Variants in KLHL7 observed in about 807,000 individuals in gnomAD.
The protein encoded by KLHL7 is kelch like family member 7.
In KLHL7, 44 loss-of-function variants were observed where a neutral mutation model predicts 67.4. That is an observed-to-expected ratio of 0.65 (90% CI 0.51 to 0.84). The LOEUF (loss-of-function observed/expected upper bound fraction) is 0.84, where lower values mean the gene tolerates loss of function less well. KLHL7 is among the 40% of genes least tolerant of loss of function. The pLI, the probability that KLHL7 is intolerant of heterozygous loss-of-function variation, is 0.00. For missense variants in KLHL7, 362 were observed against 718.1 expected (o/e 0.50, Z 5.67); for synonymous variants, 252 against 243.3 (o/e 1.04, Z -0.33).
chr7:23,107,171 G>T (rs1782678825), intron 1 of KLHL7, among the ~76,000 whole-genome samples: 1 of 152,218 alleles, frequency 6.6e-6, no homozygotes, highest in African/African-American at 2.4e-5. Flanking sequence ...ACCAGCTCCT[G>T]CTACAGTGCA....
At chr7:23,124,008 T>A in intron 2 of KLHL7, 129 bp downstream of exon 2, 1 of 704,630 alleles carries the variant, frequency 1.4e-6, no homozygotes, top group South Asian at 1.6e-5. Flanking sequence ...AGTGAAGAGA[T>A]TGAAAAAGTA....
At chr7:23,116,039 C>A (rs942787049) in intron 1 of KLHL7, among the ~76,000 whole-genome samples, 1 of 152,210 alleles carries the variant, frequency 6.6e-6, no homozygotes, top group African/African-American at 2.4e-5. Flanking sequence ...AATGACAAAG[C>A]CTTCTCTCAT....
intron 4 of KLHL7, among the ~76,000 whole-genome samples, chr7:23,133,032 C>T (rs986201178): frequency 2.6e-5 from 4 of 152,056 alleles, no homozygotes; most frequent in Non-Finnish European, 5.9e-5. Context: ...CATGCTGTTT[C>T]GATTACTATA....
At position 23,159,149 on chromosome 7, in the gene KLHL7, GGTCTTTT is replaced by G. The variant is rs1437592643; in HGVS notation, c.937-6539_937-6533del. ...GGAAGAGCTGAAGGACTAGATCATT[GGTCTTTT>G]GTCTTTTGTGAGATCTTTTTGTTGT... On this transcript the variant is annotated intron_variant, in intron 7 of 10. Coordinates refer to ENST00000339077, the MANE Select transcript of KLHL7 (RefSeq NM_001031710.3). Among the ~76,000 whole-genome samples the G allele has an allele frequency of 8.5e-5, 13 of 152,240 alleles. No individual in the cohort carries two copies. In the East Asian group the frequency reaches 2.3e-3, roughly 27 times the overall value.
chr7:23,126,499 A>G (rs1338891158), intron 4 of KLHL7, among the ~76,000 whole-genome samples: 1 of 152,180 alleles, frequency 6.6e-6, no homozygotes, highest in Non-Finnish European at 1.5e-5. Flanking sequence ...AAGAGGGGTC[A>G]AAGAATCCAG....
At chr7:23,117,412 C>G (rs1367092369) in intron 1 of KLHL7, among the ~76,000 whole-genome samples, 1 of 147,632 alleles carries the variant, frequency 6.8e-6, no homozygotes, top group Non-Finnish European at 1.5e-5. Flanking sequence ...TACTTCTCTT[C>G]TTCTATTCCT....
In KLHL7 at chr7:23,175,129, G is replaced by T. The variant is rs1562597333; in HGVS notation, c.*831G>T. On this transcript the variant is annotated 3_prime_UTR_variant, in exon 11 of 11. Transcript: ENST00000339077. ...GATCATTAGAAAAGCACTGGTAGTT[G>T]TACAATATCAGTGTTGACTTTGAAC... The T allele has an allele frequency of 2.2e-6, 1 of 454,042 alleles. No individual in the cohort carries two copies. The highest frequency in any genetic ancestry group is 4.4e-6 in the Non-Finnish European group (1 of 226,754). 28.1% of individuals were successfully genotyped at this position (454,042 alleles called of 1,614,324 possible). A position where few individuals can be genotyped will look rare whatever the true frequency, so the allele number is the denominator to read the frequency against.
intron 1 of KLHL7, among the ~76,000 whole-genome samples, chr7:23,111,532 A>G (rs1485864918): frequency 2.6e-5 from 4 of 152,156 alleles, no homozygotes; most frequent in African/African-American, 9.7e-5. Context: ...TTTAAAAAAG[A>G]TGACTTGGCC....
chr7:23,138,052 T>C (rs997899650), intron 4 of KLHL7, among the ~76,000 whole-genome samples: 18 of 151,800 alleles, frequency 1.2e-4, no homozygotes, highest in Non-Finnish European at 2.5e-4. Context: ...GGTTGGTGCC[T>C]GTAATCCCAG....
intron 6 of KLHL7, among the ~76,000 whole-genome samples, chr7:23,150,331 C>A (rs1406559129): frequency 6.6e-6 from 1 of 152,070 alleles, no homozygotes; most frequent in African/African-American, 2.4e-5. Context: ...ATATACCCTT[C>A]CAGAGGTAGT....
intron 7 of KLHL7, among the ~76,000 whole-genome samples, chr7:23,159,876 C>T (rs1784811819): frequency 6.6e-6 from 1 of 152,184 alleles, no homozygotes. Flanking sequence ...TTTAAATCTT[C>T]TCAGGATTTG....
chr7:23,121,782 A>G (rs1456208297), intron 1 of KLHL7, among the ~76,000 whole-genome samples: 1 of 148,216 alleles, frequency 6.7e-6, no homozygotes, highest in Non-Finnish European at 1.5e-5. Flanking sequence ...TCCTGGGTTC[A>G]TGCCGTTCTC....
intron 1 of KLHL7, among the ~76,000 whole-genome samples, chr7:23,110,871 C>G (rs1782841450): frequency 6.7e-6 from 1 of 149,646 alleles, no homozygotes; most frequent in Non-Finnish European, 1.5e-5. Flanking sequence ...CGGTTCACTA[C>G]ATTTTCTTAC....
At chr7:23,171,113 GC>G (rs1562594414) in intron 9 of KLHL7, 1 of 281,818 alleles carries the variant, frequency 3.5e-6, no homozygotes, top group Admixed American at 4.6e-5. Context: ...CACCATGTTG[GC>G]CAGGATGGCC....
intron 4 of KLHL7, chr7:23,129,039 G>A (rs1783693431): frequency 6.6e-6 from 1 of 152,304 alleles, no homozygotes; most frequent in Admixed American, 6.5e-5. Flanking sequence ...TAGAGGAAAA[G>A]GAAAGCACTG....
At chr7:23,156,159 T>C in intron 7 of KLHL7, 1 of 273,762 alleles carries the variant, frequency 3.7e-6, no homozygotes, top group Admixed American at 5.0e-5. Flanking sequence ...ATAAAAACAT[T>C]TTCATTCCAT....
At position 23,175,142 on chromosome 7, in the gene KLHL7, G is replaced by A. The variant is rs1465994436; in HGVS notation, c.*844G>A. The stretch of plus-strand genomic sequence containing the variant: ...GCACTGGTAGTTGTACAATATCAGT[G>A]TTGACTTTGAACTTCTTTAACGAGA... On this transcript the variant is annotated 3_prime_UTR_variant, in exon 11 of 11. Coordinates refer to ENST00000339077, the MANE Select transcript of KLHL7 (RefSeq NM_001031710.3). The A allele has an allele frequency of 2.2e-6, 1 of 453,944 alleles. No individual in the cohort carries two copies. Among genetic ancestry groups the A allele is most frequent in the African/African-American group, 2.0e-5 (1 of 50,008 alleles). 28.1% of individuals were successfully genotyped at this position (453,944 alleles called of 1,614,324 possible).
chr7:23,121,918 GT>G (rs1258524844), intron 1 of KLHL7, among the ~76,000 whole-genome samples: 2 of 152,068 alleles, frequency 1.3e-5, no homozygotes, highest in Non-Finnish European at 2.9e-5. Flanking sequence ...TGCTGACCTT[GT>G]GATCCGCCCG....
At position 23,176,828 on chromosome 7, in the gene KLHL7, G is replaced by A. The variant is rs1785303619; in HGVS notation, c.*2530G>A. The A allele has an allele frequency of 6.6e-6, 1 of 152,100 alleles. No homozygotes were observed. Among genetic ancestry groups the A allele is most frequent in the South Asian group, 2.1e-4 (1 of 4,812 alleles). The allele number at this position is 152,100 out of a possible 1,614,324, so 9.4% of individuals were successfully genotyped here. A position where few individuals can be genotyped will look rare whatever the true frequency, so the allele number is the denominator to read the frequency against. On this transcript the variant is annotated 3_prime_UTR_variant, in exon 11 of 11. Coordinates refer to ENST00000339077, the MANE Select transcript of KLHL7 (RefSeq NM_001031710.3). ...GTCTCTACTAAAAATACAAAAATTA[G>A]CCAGGTATGGTGGTGTGCACCTGTA... is the stretch of plus-strand genomic sequence containing the variant.
Sources: gnomAD v4.1 joint callset for allele counts (sites outside exome capture counted in the v4.1 genomes callset) on GRCh38, gnomAD v4.1.1 for gene constraint, MANE v1.5 for transcripts, NCBI Gene and HGNC (gene_info 2026-07-23, HGNC 2026-07-21) for gene names.